The following DOCK1 variants were observed in gnomAD, a reference collection of about 807,000 sequenced individuals.
DOCK1 encodes the protein dedicator of cytokinesis protein 1.
Under a neutral mutation model 262.7 loss-of-function variants are expected in DOCK1, and 138 were observed. The ratio of observed to expected loss-of-function variants is 0.53; its 90% CI spans 0.46 to 0.61. The LOEUF (loss-of-function observed/expected upper bound fraction) is 0.61, where lower values mean the gene tolerates loss of function less well. DOCK1 is among the 20% of genes least tolerant of loss of function. The pLI is 0.00. For synonymous variants in DOCK1, 866 were observed against 867.4 expected (o/e 1.00, Z 0.03); for missense variants, 1,908 against 2,370.7 (o/e 0.80, Z 4.05).
chr10:127,430,513 G>A (rs1482805219), intron 47 of DOCK1, among the ~76,000 whole-genome samples: 2 of 152,158 alleles, frequency 1.3e-5, no homozygotes, highest in Admixed American at 6.5e-5. Flanking sequence ...GTGCAGTTGT[G>A]TCCTTCAGTC....
intron 5 of DOCK1, chr10:126,988,437 A>G (rs747160819): frequency 6.6e-6 from 1 of 152,212 alleles, no homozygotes; most frequent in Non-Finnish European, 1.5e-5. Context: ...TTGATTATAC[A>G]GTGGTTTCCT....
At chr10:127,122,369 G>T (rs1476145945) in intron 25 of DOCK1, among the ~76,000 whole-genome samples, 1 of 152,218 alleles carries the variant, frequency 6.6e-6, no homozygotes, top group South Asian at 2.1e-4. Flanking sequence ...CTCGTTGCCA[G>T]CCTGGTCCTC....
Position 126,999,474 on chromosome 10 carries a change from A to G in DOCK1, c.849+39A>G, listed in dbSNP as rs60599298. ...AAGATGCTTAGTTGAATTGGCTACCATTCTAAGGACTACTTTTAGCCATTT... is the reference window on the plus strand; with the variant it reads ...AAGATGCTTAGTTGAATTGGCTACCGTTCTAAGGACTACTTTTAGCCATTT... On this transcript the variant is annotated intron_variant, in intron 9 of 51. Coordinates refer to ENST00000623213, the MANE Select transcript of DOCK1 (RefSeq NM_001290223.2). The G allele has an allele frequency of 5.1e-6, 8 of 1,565,232 alleles. No individual in the cohort carries two copies. In the East Asian group the frequency reaches 1.8e-4, roughly 35 times the overall value.
chr10:127,066,163 G>A (rs770523625), intron 23 of DOCK1, among the ~76,000 whole-genome samples: 13 of 152,080 alleles, frequency 8.5e-5, no homozygotes, highest in Non-Finnish European at 1.9e-4. Context: ...CTCGAGTCGT[G>A]TTCTGTGTTC....
intron 2 of DOCK1, 126 bp downstream of exon 2, chr10:126,970,911 C>T: frequency 9.4e-7 from 1 of 1,065,676 alleles, no homozygotes; most frequent in Non-Finnish European, 1.3e-6. Flanking sequence ...TTCTCAGGCT[C>T]CCTTTTCTTG....
At chr10:127,448,295 G>A (rs1232163223) in intron 51 of DOCK1, among the ~76,000 whole-genome samples, 2 of 152,220 alleles carry the variant, frequency 1.3e-5, no homozygotes, top group Admixed American at 1.3e-4. Flanking sequence ...GCCACCCAAA[G>A]TGCCTTGTGC....
In DOCK1 at chr10:127,176,096, G is replaced by C. The variant is rs201518235; in HGVS notation, c.2847+48332G>C. On this transcript the variant is annotated intron_variant, in intron 27 of 51. Coordinates refer to ENST00000623213, the MANE Select transcript of DOCK1 (RefSeq NM_001290223.2). The surrounding 1 kb of genome is among the most constrained non-coding windows in gnomAD (Gnocchi z 4.4). ...GCGAGGTCTGCACGCCTGTGCTCTTGGTGACGTTGGGGATGGACCTGCGTG... is the reference window on the plus strand; with the variant it reads ...GCGAGGTCTGCACGCCTGTGCTCTTCGTGACGTTGGGGATGGACCTGCGTG... 2 of 1,614,124 alleles carry C rather than the reference G, an allele frequency of 1.2e-6. No homozygotes were observed. The highest frequency in any genetic ancestry group is 2.2e-5 in the South Asian group (2 of 91,080).
At chr10:126,906,676 C>T (rs1378538336) in intron 1 of DOCK1, among the ~76,000 whole-genome samples, 1 of 152,222 alleles carries the variant, frequency 6.6e-6, no homozygotes, top group Non-Finnish European at 1.5e-5. Context: ...CTGGCCCGTG[C>T]TGGACCTGCC....
At chr10:127,052,844 C>T in intron 22 of DOCK1, 29 bp downstream of exon 22, 1 of 1,590,502 alleles carries the variant, frequency 6.3e-7, no homozygotes, top group Non-Finnish European at 8.6e-7. Flanking sequence ...CATGCCCGGG[C>T]TCTCAGAGGA....
chr10:127,298,306 T>A (rs984566668), intron 29 of DOCK1, among the ~76,000 whole-genome samples: 4 of 152,188 alleles, frequency 2.6e-5, no homozygotes, highest in Non-Finnish European at 5.9e-5. Flanking sequence ...CTCGAATCTG[T>A]GATTAATTAG....
At chr10:127,309,152 CGTT>C (rs1037326746) in intron 29 of DOCK1, among the ~76,000 whole-genome samples, 3 of 151,950 alleles carry the variant, frequency 2.0e-5, no homozygotes, top group Non-Finnish European at 4.4e-5. Context: ...GATGCTGTCT[CGTT>C]GTGGTTTTGA....
intron 30 of DOCK1, among the ~76,000 whole-genome samples, chr10:127,341,875 G>T (rs966758971): frequency 7.2e-5 from 11 of 152,194 alleles, no homozygotes; most frequent in Non-Finnish European, 1.6e-4. Context: ...CATTCTGAGA[G>T]TCACAGTCAG....
intron 23 of DOCK1, among the ~76,000 whole-genome samples, chr10:127,102,147 C>T (rs1592032768): frequency 6.6e-6 from 1 of 152,274 alleles, no homozygotes; most frequent in East Asian, 1.9e-4. Flanking sequence ...GCTTTATCCT[C>T]TACTCTATTT....
At chr10:127,443,976 C>CGTG in intron 49 of DOCK1, 150 bp from the exon 50 acceptor site, 2 of 1,087,314 alleles carry the variant, frequency 1.8e-6, no homozygotes, top group South Asian at 3.2e-5. Flanking sequence ...AGAGCCACAC[C>CGTG]TTAGCTTGAT....
chr10:127,374,025 G>T (rs184904132), intron 34 of DOCK1, 33 bp from the exon 35 acceptor site: 3 of 1,577,488 alleles, frequency 1.9e-6, no homozygotes, highest in Admixed American at 1.9e-5. Flanking sequence ...TTTTCTGAGT[G>T]TGATTAACAA....
At chr10:127,174,567 G>T (rs1459930307) in intron 27 of DOCK1, among the ~76,000 whole-genome samples, 5 of 152,158 alleles carry the variant, frequency 3.3e-5, no homozygotes, top group Non-Finnish European at 7.3e-5. Flanking sequence ...TCTTTCTGCA[G>T]CCCCACTGGA....
Position 127,175,813 on chromosome 10 carries a change from G to T in DOCK1, c.2847+48049G>T. Reference sequence around the variant, plus strand: ...CTGAGCGGCTCCGGGCTTTTACAGGGCTCTGTGCAGTTGACCCCCAAAGGC... The same window carrying T: ...CTGAGCGGCTCCGGGCTTTTACAGGTCTCTGTGCAGTTGACCCCCAAAGGC... On this transcript the variant is annotated intron_variant, in intron 27 of 51. Transcript: ENST00000623213. The surrounding 1 kb of genome is among the most constrained non-coding windows in gnomAD (Gnocchi z 6.3). 1 of 1,614,086 alleles carries T rather than the reference G, an allele frequency of 6.2e-7. No individual in the cohort carries two copies. Among genetic ancestry groups the T allele is most frequent in the East Asian group, 2.2e-5 (1 of 44,848 alleles).
At chr10:127,294,021 C>T (rs1032511771) in intron 29 of DOCK1, among the ~76,000 whole-genome samples, 1 of 152,144 alleles carries the variant, frequency 6.6e-6, no homozygotes, top group East Asian at 1.9e-4. Flanking sequence ...GAGCACACCG[C>T]GGATATGCAG....
chr10:127,378,530 C>T (rs2065649025), intron 35 of DOCK1, among the ~76,000 whole-genome samples: 1 of 152,030 alleles, frequency 6.6e-6, no homozygotes, highest in African/African-American at 2.4e-5. Context: ...GAGTGTACTT[C>T]GGTTGTGGAG....
Sources: gnomAD v4.1 joint callset for allele counts (sites outside exome capture counted in the v4.1 genomes callset) on GRCh38, gnomAD v4.1.1 for gene constraint, Gnocchi (gnomAD v3.1) non-coding constraint, MANE v1.5 for transcripts, NCBI Gene and HGNC (gene_info 2026-07-23, HGNC 2026-07-21) for gene names.